Variants in AFF3 observed in about 807,000 individuals in gnomAD.
AFF3 encodes the protein AF4/FMR2 family member 3.
A neutral mutation model predicts 129.7 loss-of-function variants in AFF3; 32 were observed. The ratio of observed to expected loss-of-function variants is 0.25; its 90% CI spans 0.19 to 0.33. The LOEUF (loss-of-function observed/expected upper bound fraction) is 0.33. Among genes scored for constraint, AFF3 ranks in the 10% least tolerant of loss-of-function variants. AFF3 has a pLI of 1.00. For missense variants in AFF3, 1,373 were observed against 1,592.0 expected, an observed-to-expected ratio of 0.86 and a Z score of 2.34; for synonymous variants, 644 against 635.4, an observed-to-expected ratio of 1.01 and a Z score of -0.20.
chr2:100,091,083 G>A (rs980522326), intron 4 of AFF3, among the ~76,000 whole-genome samples: 1 of 152,104 alleles, frequency 6.6e-6, no homozygotes, highest in Non-Finnish European at 1.5e-5. Context: ...TAGTGGTGAT[G>A]TGTAGGGGCT....
chr2:99,684,273 A>G (rs2104583056), intron 11 of AFF3, among the ~76,000 whole-genome samples: 1 of 152,306 alleles, frequency 6.6e-6, no homozygotes, highest in South Asian at 2.1e-4. Flanking sequence ...TAACAACCTT[A>G]TCCTACGCTG....
intron 13 of AFF3, among the ~76,000 whole-genome samples, chr2:99,643,580 G>A (rs192453773): frequency 1.6e-3 from 245 of 152,278 alleles, no homozygotes; most frequent in South Asian, 8.3e-3. Context: ...CACATGGCCA[G>A]GGGACTGGGT....
chr2:100,084,521 C>T (rs1476102463), intron 4 of AFF3, among the ~76,000 whole-genome samples: 1 of 152,182 alleles, frequency 6.6e-6, no homozygotes, highest in Non-Finnish European at 1.5e-5. Flanking sequence ...AGAAATGTAA[C>T]AGTACCAAAA....
chr2:99,581,471 A>G (rs1677535118), intron 17 of AFF3, among the ~76,000 whole-genome samples: 1 of 151,932 alleles, frequency 6.6e-6, no homozygotes, highest in South Asian at 2.1e-4. Flanking sequence ...ATAAAGTGTT[A>G]CACACTGCTC....
In AFF3 at chr2:99,554,453, G is replaced by A. The variant is rs1398645157; in HGVS notation, c.3417C>T (p.Ala1139=). The change falls in exon 24 of 25, where the codon GCC becomes GCT. Residue 1139 remains alanine, a synonymous_variant. Transcript: ENST00000672756. ...SVGSQGSLSN[A]SALSPSTIVS... Reference sequence around the variant, plus strand: ...CGATGGTCGACGGGGACAGGGCGCTGGCGTTGGAGAGGCTGCCCTGAGACC... The same window carrying A: ...CGATGGTCGACGGGGACAGGGCGCTAGCGTTGGAGAGGCTGCCCTGAGACC... 2 of 1,614,068 alleles carry A rather than the reference G, an allele frequency of 1.2e-6. No homozygotes were observed. Among genetic ancestry groups the A allele is most frequent in the South Asian group, 1.1e-5 (1 of 91,090 alleles).
intron 8 of AFF3, among the ~76,000 whole-genome samples, chr2:99,785,529 C>T (rs1329140207): frequency 6.6e-6 from 1 of 152,200 alleles, no homozygotes; most frequent in African/African-American, 2.4e-5. Flanking sequence ...AATGCAATCT[C>T]ATCACAGGTT....
chr2:99,643,145 C>T (rs1322744902), intron 13 of AFF3, among the ~76,000 whole-genome samples: 1 of 149,168 alleles, frequency 6.7e-6, no homozygotes, highest in South Asian at 2.2e-4. Context: ...CTGCAACCCC[C>T]GCCTCCTGGG....
intron 13 of AFF3, among the ~76,000 whole-genome samples, chr2:99,648,907 A>ACCCTCTCTCTCTCTCTCTCTCTCT (rs1464965146): frequency 2.5e-5 from 1 of 39,242 alleles, no homozygotes; most frequent in Non-Finnish European, 6.0e-5. Flanking sequence ...ACACACACAC[A>ACCCTCTCTCTCTCTCTCTCTCTCT]CACACACACA....
Position 99,593,648 on chromosome 2 carries a change from T to C in AFF3, c.2013A>G (p.Ser671=), listed in dbSNP as rs768631832. The change falls in exon 15 of 25, where the codon TCA becomes TCG. Residue 671 remains serine (S), a synonymous_variant. Coordinates refer to ENST00000672756, the MANE Select transcript of AFF3 (RefSeq NM_001386135.1). ...KSKEFIETES[S]SSSSSSDSDL... ...CGGAGTCCGAGGAGGAGGATGAAGA[T>C]GACGACTCTGTCTCAATGAACTCCT... The C allele has an allele frequency of 3.7e-6, 6 of 1,607,652 alleles. No individual in the cohort carries two copies. The South Asian group carries it at 5.5e-5, about 15-fold the overall frequency.
At chr2:99,995,609 T>G (rs925989565) in intron 7 of AFF3, among the ~76,000 whole-genome samples, 2 of 152,108 alleles carry the variant, frequency 1.3e-5, no homozygotes, top group African/African-American at 4.8e-5. Context: ...CCTGACCTCA[T>G]GACCCACCCA....
At chr2:99,673,457 A>G (rs1019915629) in intron 11 of AFF3, among the ~76,000 whole-genome samples, 3 of 152,250 alleles carry the variant, frequency 2.0e-5, no homozygotes, top group East Asian at 1.9e-4. Context: ...ATTTGTTATG[A>G]TAACACTGTA....
At chr2:99,988,008 A>G (rs1416704549) in intron 7 of AFF3, among the ~76,000 whole-genome samples, 1 of 152,206 alleles carries the variant, frequency 6.6e-6, no homozygotes, top group East Asian at 1.9e-4. Context: ...TGAATAAGAG[A>G]GCATGCCAGC....
chr2:99,859,761 G>C (rs1434592813), intron 7 of AFF3, among the ~76,000 whole-genome samples: 2 of 152,134 alleles, frequency 1.3e-5, no homozygotes, highest in Non-Finnish European at 2.9e-5. Flanking sequence ...GCAAAATTCT[G>C]AGCAAGCACC....
chr2:100,020,086 T>C (rs767285271), intron 4 of AFF3, among the ~76,000 whole-genome samples: 1 of 152,206 alleles, frequency 6.6e-6, no homozygotes, highest in Non-Finnish European at 1.5e-5. Flanking sequence ...CTATACTTGC[T>C]GTCTCTCTCC....
intron 21 of AFF3, 66 bp from the exon 22 acceptor site, chr2:99,559,034 CA>C: frequency 6.9e-7 from 1 of 1,458,428 alleles, no homozygotes; most frequent in Non-Finnish European, 9.6e-7. Flanking sequence ...AAGACTTAAA[CA>C]TTTTTGTTGT....
chr2:99,747,448 G>A (rs1271690150), intron 9 of AFF3, among the ~76,000 whole-genome samples: 8 of 152,102 alleles, frequency 5.3e-5, no homozygotes, highest in African/African-American at 7.2e-5. Flanking sequence ...TCCTGCCTTC[G>A]TAGCTGGTAC....
Position 99,550,502 on chromosome 2 carries a change from C to T in AFF3, c.*972G>A, listed in dbSNP as rs1218858116. ...AATGGCCTCATTTAGCCAAGAAAAT[C>T]TGTAAGAAAGCTATTGGTGGAAAGA... On this transcript the variant is annotated 3_prime_UTR_variant, in exon 25 of 25. Coordinates refer to ENST00000672756, the MANE Select transcript of AFF3 (RefSeq NM_001386135.1). 4.3e-6 allele frequency: 1 copy of T among 231,582 alleles called. No individual in the cohort carries two copies. Among genetic ancestry groups the T allele is most frequent in the Non-Finnish European group, 8.5e-6 (1 of 117,044 alleles). The allele number at this position is 231,582 out of a possible 1,614,324, so 14.3% of individuals were successfully genotyped here. A position where few individuals can be genotyped will look rare whatever the true frequency, so the allele number is the denominator to read the frequency against.
intron 4 of AFF3, among the ~76,000 whole-genome samples, chr2:100,043,916 C>A (rs1352143271): frequency 5.3e-5 from 8 of 152,164 alleles, no homozygotes; most frequent in African/African-American, 1.9e-4. Context: ...TGGTGTTCAT[C>A]CTCACTTAAA....
chr2:100,101,783 GC>G (rs1240736328), intron 4 of AFF3, among the ~76,000 whole-genome samples: 103 of 151,080 alleles, frequency 6.8e-4, no homozygotes, highest in Admixed American at 6.7e-3. Flanking sequence ...AAATATGGCT[GC>G]CCCATTTTTA....
Sources: allele counts gnomAD v4.1 joint callset (sites outside exome capture counted in the v4.1 genomes callset), GRCh38; gene constraint gnomAD v4.1.1; transcripts MANE v1.5; gene names NCBI Gene and HGNC (gene_info 2026-07-23, HGNC 2026-07-21).